NFKB2: variants seen among roughly 807,000 people sequenced by gnomAD.
NFKB2 encodes nuclear factor kappa B subunit 2, also known as nuclear factor NF-kappa-B p100 subunit.
Under a neutral mutation model 109.3 loss-of-function variants are expected in NFKB2, and 21 were observed. That is an observed-to-expected ratio of 0.19 (90% CI 0.14 to 0.28). The LOEUF is 0.28. Among genes scored for constraint, NFKB2 ranks in the 10% least tolerant of loss-of-function variants. The pLI is 1.00. For missense variants in NFKB2, 806 were observed against 1,185.3 expected, an observed-to-expected ratio of 0.68 and a Z score of 4.70; for synonymous variants, 478 against 489.9, an observed-to-expected ratio of 0.98 and a Z score of 0.32.
In NFKB2 at chr10:102,400,147, C is replaced by T; in HGVS notation, c.1537C>T (p.His513Tyr). Residue 513 changes from histidine to tyrosine, a missense_variant, in exon 15 of 23, where the codon CAC (histidine) becomes TAC (tyrosine). Physicochemically the swap from His to Tyr is moderately conservative, Grantham distance 83 (BLOSUM62 2). This residue lies in a region of NFKB2 where 163 missense variants were observed against 207.1 expected (regional missense o/e 0.79). Coordinates refer to ENST00000661543, the MANE Select transcript of NFKB2 (RefSeq NM_001322934.2). The surrounding 1 kb of genome is among the most constrained non-coding windows in gnomAD (Gnocchi z 6.3). ...TGAGCAGATAGTCTATGTCATCCACCACGCCCAGGACCTCGGCGTTGTCAA... is the reference window on the plus strand; with the variant it reads ...TGAGCAGATAGTCTATGTCATCCACTACGCCCAGGACCTCGGCGTTGTCAA... ...VIEQIVYVIH[H>Y]AQDLGVVNLT... The T allele has an allele frequency of 6.2e-7, 1 of 1,614,164 alleles. No individual in the cohort carries two copies. The highest frequency in any genetic ancestry group is 1.6e-4 in the Middle Eastern group (1 of 6,062).
In NFKB2 at chr10:102,398,495, A is replaced by G; in HGVS notation, c.963A>G (p.Lys321=). 6.2e-7 allele frequency: 1 copy of G among 1,614,072 alleles called. No individual in the cohort carries two copies. Among genetic ancestry groups the G allele is most frequent in the Non-Finnish European group, 8.5e-7 (1 of 1,180,000 alleles). ...RKRGGDVSDS[K]QFTYYPLVED... Reference sequence around the variant, plus strand: ...GAGGAGGGGACGTGTCTGATTCCAAACAGTTCACCTATTACCCTCTGGTGG... The same window carrying G: ...GAGGAGGGGACGTGTCTGATTCCAAGCAGTTCACCTATTACCCTCTGGTGG... Residue 321 remains lysine, a synonymous_variant, in exon 11 of 23, where the codon AAA becomes AAG. Transcript: ENST00000661543. The surrounding 1 kb of genome is among the most constrained non-coding windows in gnomAD (Gnocchi z 6.6).
rs540283644 is a variant in NFKB2, at chr10:102,401,914, C to T, written c.2463C>T (p.Tyr821=). 40 of 1,610,554 alleles carry T rather than the reference C, an allele frequency of 2.5e-5. No homozygotes were observed. The Admixed American group carries it at 3.2e-4, about 13-fold the overall frequency. Residue 821 remains tyrosine, a synonymous_variant, in exon 21 of 23, where the codon TAC becomes TAT. Transcript: ENST00000661543. This position sits in a 1 kb window ranked among gnomAD's most constrained non-coding sequence, Gnocchi z 4.2. ...TSPSGSLLRS[Y]ELAGGDLAGL... ...CCAGTGGCAGCCTCCTGCGCAGCTA[C>T]GAGGTGGGTTGGCCTGTGCCCTGCC...
At position 102,396,253 on chromosome 10, in the gene NFKB2, G is replaced by C. The variant is rs922475027; in HGVS notation, c.22G>C (p.Gly8Arg). The change falls in exon 3 of 23, where the codon GGT becomes CGT. Residue 8 changes from glycine to arginine, a missense_variant and splice_region_variant. Gly to Arg is a moderately radical substitution (Grantham distance 125). Coordinates refer to ENST00000661543, the MANE Select transcript of NFKB2 (RefSeq NM_001322934.2). The surrounding 1 kb of genome is among the most constrained non-coding windows in gnomAD (Gnocchi z 5.9). ...CACCCCCAGTCTGTCTCCAAACCAG[G>C]GTCTGGATGGTATTATTGAATATGA... MESCYNP[G>R]LDGIIEYDDF... The C allele has an allele frequency of 2.5e-6, 4 of 1,604,704 alleles. No homozygotes were observed. The Admixed American group carries it at 5.0e-5, about 20-fold the overall frequency.
chr10:102,396,851 G>C lies in NFKB2; in HGVS notation c.243+28G>C, dbSNP rs761512025. The C allele has an allele frequency of 6.2e-7, 1 of 1,603,734 alleles. No individual in the cohort carries two copies. The highest frequency in any genetic ancestry group is 1.1e-5 in the South Asian group (1 of 90,922). On this transcript the variant is annotated intron_variant, in intron 5 of 22. Transcript: ENST00000661543. The surrounding 1 kb of genome is among the most constrained non-coding windows in gnomAD (Gnocchi z 5.9). ...GAGCCAGGATGGTGCTGGAGGGTGG[G>C]CTAAGTGGACAGCATGCCCAAGGCC...
chr10:102,398,188 G>A lies in NFKB2; in HGVS notation c.767-24G>A. On this transcript the variant is annotated intron_variant, in intron 9 of 22. Coordinates refer to ENST00000661543, the MANE Select transcript of NFKB2 (RefSeq NM_001322934.2). This position sits in a 1 kb window ranked among gnomAD's most constrained non-coding sequence, Gnocchi z 6.6. ...CCCAGAGATTCCACCGGGAGCTGTG[G>A]CCAAGCTTCCGTTTTCCTTGTAGAT... is the stretch of plus-strand genomic sequence containing the variant. The A allele has an allele frequency of 6.2e-7, 1 of 1,613,758 alleles. No homozygotes were observed. Among genetic ancestry groups the A allele is most frequent in the African/African-American group, 1.3e-5 (1 of 75,000 alleles).
In NFKB2 at chr10:102,400,890, G is replaced by A. The variant is rs550351264; in HGVS notation, c.1969-57G>A. The A allele has an allele frequency of 1.3e-6, 2 of 1,583,418 alleles. No individual in the cohort carries two copies. On this transcript the variant is annotated intron_variant, in intron 17 of 22. Coordinates refer to ENST00000661543, the MANE Select transcript of NFKB2 (RefSeq NM_001322934.2). The surrounding 1 kb of genome is among the most constrained non-coding windows in gnomAD (Gnocchi z 6.3). Reference sequence around the variant, plus strand: ...TGGAGGGGCCAAAGATGGTGAAGGGGGGGGCTGGCCAAGGGGACCATGCTG... The same window carrying A: ...TGGAGGGGCCAAAGATGGTGAAGGGAGGGGCTGGCCAAGGGGACCATGCTG...
Position 102,399,476 on chromosome 10 carries a change from G to T in NFKB2, c.1306G>T (p.Ala436Ser), listed in dbSNP as rs2135435274. 1 of 1,495,916 alleles carries T rather than the reference G, an allele frequency of 6.7e-7. No individual in the cohort carries two copies. The highest frequency in any genetic ancestry group is 8.9e-7 in the Non-Finnish European group (1 of 1,120,826). 92.7% of individuals were successfully genotyped at this position (1,495,916 alleles called of 1,614,324 possible). The stretch of plus-strand genomic sequence containing the variant: ...CAGGACCCCCCAGTGCGAGCCGCAG[G>T]CCCCGGAGATGCTGCAGCGAGGTAT... ...PSRTPQCEPQAPEMLQRAREY... is the reference protein window; with the variant it reads ...PSRTPQCEPQSPEMLQRAREY... Residue 436 changes from alanine (A) to serine (S), a missense_variant, in exon 13 of 23, where the codon GCC becomes TCC. By Grantham distance (99) the Ala-to-Ser change is moderately conservative. Transcript: ENST00000661543.
chr10:102,401,335 A>G lies in NFKB2; in HGVS notation c.2223+4A>G. The stretch of plus-strand genomic sequence containing the variant: ...TGACCTCACTTGCAGCACCAAGGTG[A>G]GGCCAGCCCGGGACTAGAAGTGCTC... On this transcript the variant is annotated splice_donor_region_variant and intron_variant, in intron 19 of 22. Transcript: ENST00000661543. The surrounding 1 kb of genome is among the most constrained non-coding windows in gnomAD (Gnocchi z 4.2). 1 of 1,605,582 alleles carries G rather than the reference A, an allele frequency of 6.2e-7. No homozygotes were observed. The highest frequency in any genetic ancestry group is 1.1e-5 in the South Asian group (1 of 90,314).
In NFKB2 at chr10:102,399,455, AC is replaced by A. The variant is rs1565209111; in HGVS notation, c.1291del (p.Gln431SerfsTer51). On this transcript the variant is annotated frameshift_variant, in exon 13 of 23. Coordinates refer to ENST00000661543, the MANE Select transcript of NFKB2 (RefSeq NM_001322934.2). LOFTEE classifies it high-confidence loss of function. ...CGCGGAGCCAAGCGCCCCCTCCAGGACCCCCCAGTGCGAGCCGCAGGCCCCG... is the reference window on the plus strand; with the variant it reads ...CGCGGAGCCAAGCGCCCCCTCCAGGACCCCCAGTGCGAGCCGCAGGCCCCG... Reference protein sequence around the residue: ...EAAEPSAPSRTPQCEPQAPEM... With the variant: ...EAAEPSAPSRXPQCEPQAPEM... The A allele has an allele frequency of 4.6e-6, 7 of 1,512,388 alleles. No homozygotes were observed. In the Admixed American group the frequency reaches 6.5e-5, roughly 14 times the overall value. 93.7% of individuals were successfully genotyped at this position (1,512,388 alleles called of 1,614,324 possible). A position where few individuals can be genotyped will look rare whatever the true frequency, so the allele number is the denominator to read the frequency against.
chr10:102,399,267 C>T (rs1358387481), intron 12 of NFKB2, 21 bp from the exon 13 acceptor site: 1 of 1,570,264 alleles, frequency 6.4e-7, no homozygotes, highest in Non-Finnish European at 8.6e-7. Flanking sequence ...CCGCTTCCCA[C>T]AGCCCTGCCT....
chr10:102,401,439 G>A lies in NFKB2; in HGVS notation c.2224-10G>A, dbSNP rs550812736. The stretch of plus-strand genomic sequence containing the variant: ...GTGGGAGGTAGTCAGAACTGCGGCT[G>A]TCTCCCCAGGTGAAGACCTTGCTGC... On this transcript the variant is annotated splice_polypyrimidine_tract_variant and intron_variant, in intron 19 of 22. Transcript: ENST00000661543. This position sits in a 1 kb window ranked among gnomAD's most constrained non-coding sequence, Gnocchi z 4.2. The A allele has an allele frequency of 1.6e-4, 259 of 1,613,842 alleles. 4 individuals carry two copies. The South Asian group carries it at 2.7e-3, about 17-fold the overall frequency.
chr10:102,399,312 C>A lies in NFKB2; in HGVS notation c.1142C>A (p.Ser381Tyr), dbSNP rs780374576. The A allele has an allele frequency of 6.3e-7, 1 of 1,598,180 alleles. No individual in the cohort carries two copies. Among genetic ancestry groups the A allele is most frequent in the Non-Finnish European group, 8.5e-7 (1 of 1,173,016 alleles). ...GGGGSLGFFP[S>Y]SLAYSPYQSG... ...GGTGGCAGCCTCGGTTTCTTCCCCT[C>A]CTCCCTGGCCTACAGCCCCTACCAG... is the stretch of plus-strand genomic sequence containing the variant. The change falls in exon 13 of 23, where the codon TCC (serine) becomes TAC (tyrosine). Residue 381 changes from serine (S) to tyrosine (Y), a missense_variant. Around this residue, in one of 10 missense-constraint regions of NFKB2, gnomAD observed 209 missense variants for 211.9 expected, o/e 0.99. Transcript: ENST00000661543.
chr10:102,397,229 G>A lies in NFKB2; in HGVS notation c.396-73G>A, dbSNP rs1268363868. 1.3e-6 allele frequency: 2 copies of A among 1,562,954 alleles called. No homozygotes were observed. The highest frequency in any genetic ancestry group is 1.8e-6 in the Non-Finnish European group (2 of 1,137,750). On this transcript the variant is annotated intron_variant, in intron 6 of 22. Transcript: ENST00000661543. This position sits in a 1 kb window ranked among gnomAD's most constrained non-coding sequence, Gnocchi z 4.7. ...CCTTGAGGAAGTAAGGCTGAGCTGA[G>A]CCCTGGCAATGGGAAAGGTGCCTCA... is the stretch of plus-strand genomic sequence containing the variant.
At position 102,399,439 on chromosome 10, in the gene NFKB2, A is replaced by G. The variant is rs4919633; in HGVS notation, c.1269A>G (p.Pro423=). The change falls in exon 13 of 23, where the codon CCA becomes CCG. Residue 423 remains proline, a synonymous_variant. Coordinates refer to ENST00000661543, the MANE Select transcript of NFKB2 (RefSeq NM_001322934.2). ...SRDSGEEAAE[P]SAPSRTPQCE... ...ACTCCGGGGAGGAAGCCGCGGAGCC[A>G]AGCGCCCCCTCCAGGACCCCCCAGT... 1 allele frequency: 1,511,918 copies of G among 1,515,066 alleles called. 754,444 individuals are homozygous for G. The highest frequency in any genetic ancestry group is 1 in the East Asian group (39,534 of 39,534). The allele number at this position is 1,515,066 out of a possible 1,614,324, so 93.9% of individuals were successfully genotyped here.
Position 102,395,922 on chromosome 10 carries a change from C to A in NFKB2, c.-38C>A. On this transcript the variant is annotated 5_prime_UTR_variant, in exon 2 of 23. Coordinates refer to ENST00000661543, the MANE Select transcript of NFKB2 (RefSeq NM_001322934.2). ...TAAAATTCTGGGAAGCAGAACCTGGCCGGAGCCACTAGACAGAGCCGGGCC... is the reference window on the plus strand; with the variant it reads ...TAAAATTCTGGGAAGCAGAACCTGGACGGAGCCACTAGACAGAGCCGGGCC... 6.2e-7 allele frequency: 1 copy of A among 1,603,090 alleles called. No individual in the cohort carries two copies. Among genetic ancestry groups the A allele is most frequent in the Non-Finnish European group, 8.5e-7 (1 of 1,174,832 alleles).
At position 102,397,157 on chromosome 10, in the gene NFKB2, T is replaced by C; in HGVS notation, c.395+102T>C. 1 of 1,554,590 alleles carries C rather than the reference T, an allele frequency of 6.4e-7. No individual in the cohort carries two copies. Among genetic ancestry groups the C allele is most frequent in the Non-Finnish European group, 8.7e-7 (1 of 1,142,896 alleles). ...TAGCATCTGACCAAGGGGAAAGATG[T>C]AGGTTGGCCCCAAACCCAAGGGCCT... is the stretch of plus-strand genomic sequence containing the variant. On this transcript the variant is annotated intron_variant, in intron 6 of 22. Transcript: ENST00000661543. This position sits in a 1 kb window ranked among gnomAD's most constrained non-coding sequence, Gnocchi z 4.7.
At chr10:102,394,954 C>T (rs1157504593), upstream of NFKB2, among the ~76,000 whole-genome samples, 1 of 152,180 alleles carries the variant, frequency 6.6e-6, no homozygotes, top group African/African-American at 2.4e-5. Flanking sequence ...CTGACACACA[C>T]CCACACTGAG....
chr10:102,400,485 T>A lies in NFKB2; in HGVS notation c.1792T>A (p.Phe598Ile). 1 of 1,603,522 alleles carries A rather than the reference T, an allele frequency of 6.2e-7. No homozygotes were observed. The highest frequency in any genetic ancestry group is 1.1e-5 in the South Asian group (1 of 90,070). Residue 598 changes from phenylalanine to isoleucine, a missense_variant, in exon 16 of 23, where the codon TTT becomes ATT. Physicochemically the swap from Phe to Ile is conservative, Grantham distance 21 (BLOSUM62 0). Transcript: ENST00000661543. This position sits in a 1 kb window ranked among gnomAD's most constrained non-coding sequence, Gnocchi z 6.3. ...AVPQLLHMPD[F>I]EGLYPVHLAV... ...GCCCCAGCTGTTGCATATGCCTGAC[T>A]TTGAGGGTGAGCTCCCCATCTCACC...
chr10:102,396,189 T>C lies in NFKB2; in HGVS notation c.22-64T>C, dbSNP rs1337244486. On this transcript the variant is annotated intron_variant, in intron 2 of 22. Transcript: ENST00000661543. This position sits in a 1 kb window ranked among gnomAD's most constrained non-coding sequence, Gnocchi z 5.9. ...GGAGTGACCACTGAAGACTTGGAGA[T>C]GGGAGGTGGGGCTGTGGGGGGTGCT... The C allele has an allele frequency of 6.5e-7, 1 of 1,541,658 alleles. No homozygotes were observed. The highest frequency in any genetic ancestry group is 8.9e-7 in the Non-Finnish European group (1 of 1,123,456).
Sources: allele counts gnomAD v4.1 joint callset (sites outside exome capture counted in the v4.1 genomes callset), GRCh38; gene constraint gnomAD v4.1.1; regional missense constraint gnomAD v4.1.1; non-coding constraint Gnocchi (gnomAD v3.1); transcripts MANE v1.5; gene names NCBI Gene and HGNC (gene_info 2026-07-23, HGNC 2026-07-21).